SLC37A3: variants seen among roughly 807,000 people sequenced by gnomAD.
The protein encoded by SLC37A3 is solute carrier family 37 member 3, also known as sugar phosphate exchanger 3.
In SLC37A3, 51 loss-of-function variants were observed where a neutral mutation model predicts 67.1. The ratio of observed to expected loss-of-function variants is 0.76; its 90% CI spans 0.61 to 0.96. SLC37A3 has a LOEUF of 0.96. Among genes scored for constraint, SLC37A3 ranks in the 40% least tolerant of loss-of-function variants. The pLI is 0.00. For missense variants in SLC37A3, 508 were observed against 603.0 expected (o/e 0.84, Z 1.65); for synonymous variants, 214 against 231.4 (o/e 0.92, Z 0.68).
rs531672988 is a variant in SLC37A3, at chr7:140,354,935, A to G, written c.618+733T>C. Among the ~76,000 whole-genome samples the G allele has an allele frequency of 2.6e-5, 4 of 152,060 alleles. No individual in the cohort carries two copies. In the South Asian group the frequency reaches 8.3e-4, roughly 32 times the overall value. ...ATTTTTTAGTTTTTTTGTAGGTACA[A>G]GGTCTCATTATATTGCCCAGGCTGA... On this transcript the variant is annotated intron_variant, in intron 7 of 14. Coordinates refer to ENST00000326232, the MANE Select transcript of SLC37A3 (RefSeq NM_207113.3).
At chr7:140,347,954 T>C (rs1409390185) in intron 10 of SLC37A3, among the ~76,000 whole-genome samples, 1 of 152,144 alleles carries the variant, frequency 6.6e-6, no homozygotes, top group East Asian at 1.9e-4. Flanking sequence ...AGTACCAAAC[T>C]CTATACATAC....
intron 3 of SLC37A3, 111 bp downstream of exon 3, chr7:140,380,171 G>T (rs66646584): frequency 0.12 from 64,977 of 553,830 alleles, 5,241 homozygotes; most frequent in East Asian, 0.31. Flanking sequence ...AGGAAACAGT[G>T]AGCCATTTCA....
chr7:140,390,513 G>A (rs756921984), intron 1 of SLC37A3, among the ~76,000 whole-genome samples: 9 of 151,980 alleles, frequency 5.9e-5, no homozygotes, highest in Non-Finnish European at 1.3e-4. Context: ...TTTCTGGGCC[G>A]CTCTCTTCTT....
intron 4 of SLC37A3, among the ~76,000 whole-genome samples, chr7:140,367,205 G>A (rs569625079): frequency 3.2e-4 from 49 of 151,878 alleles, no homozygotes; most frequent in African/African-American, 7.5e-4. Context: ...GGAAGGCAGC[G>A]GTAAGTGGAT....
At chr7:140,391,763 C>A (rs926205584) in intron 1 of SLC37A3, among the ~76,000 whole-genome samples, 4 of 152,150 alleles carry the variant, frequency 2.6e-5, no homozygotes, top group African/African-American at 9.7e-5. Context: ...AATCTTCCTG[C>A]ACCCAGTAAT....
intron 3 of SLC37A3, among the ~76,000 whole-genome samples, chr7:140,372,729 G>C (rs1167652085): frequency 6.6e-6 from 1 of 151,858 alleles, no homozygotes; most frequent in East Asian, 2.0e-4. Context: ...CACGTGTGGT[G>C]GTGGGCGCCT....
intron 3 of SLC37A3, among the ~76,000 whole-genome samples, chr7:140,378,905 G>A (rs1798136854): frequency 6.6e-6 from 1 of 151,574 alleles, no homozygotes. Context: ...AAATTAGCCA[G>A]GCTTGGTGGT....
intron 3 of SLC37A3, among the ~76,000 whole-genome samples, chr7:140,375,852 C>T (rs1411894841): frequency 6.6e-6 from 1 of 152,232 alleles, no homozygotes; most frequent in South Asian, 2.1e-4. Context: ...CAGGCTCACA[C>T]AGCTGACATC....
chr7:140,343,617 T>C, intron 12 of SLC37A3, 54 bp from the exon 13 acceptor site: 1 of 1,575,400 alleles, frequency 6.3e-7, no homozygotes. Flanking sequence ...ACTAGCAATC[T>C]ACTGCATAAG....
chr7:140,387,262 G>C (rs1329398272), intron 1 of SLC37A3, among the ~76,000 whole-genome samples: 1 of 151,948 alleles, frequency 6.6e-6, no homozygotes, highest in African/African-American at 2.4e-5. Flanking sequence ...CTGGAGTTCA[G>C]GAGTCTCAGA....
chr7:140,395,807 T>G (rs1798902823), intron 1 of SLC37A3, among the ~76,000 whole-genome samples: 1 of 152,122 alleles, frequency 6.6e-6, no homozygotes, highest in Non-Finnish European at 1.5e-5. Context: ...TAAGAGTGGT[T>G]CTCTTACACA....
intron 7 of SLC37A3, among the ~76,000 whole-genome samples, chr7:140,353,368 A>G (rs1796891305): frequency 6.6e-6 from 1 of 151,848 alleles, no homozygotes; most frequent in Non-Finnish European, 1.5e-5. Context: ...CTGTAATCCC[A>G]GCTACTCGGG....
intron 7 of SLC37A3, among the ~76,000 whole-genome samples, chr7:140,353,694 C>T (rs1217482453): frequency 6.6e-6 from 1 of 151,838 alleles, no homozygotes; most frequent in African/African-American, 2.4e-5. Context: ...CCCTTGCTGT[C>T]TTCACTTAGC....
Position 140,387,806 on chromosome 7 carries a change from C to A in SLC37A3, c.-70-5210G>T, listed in dbSNP as rs5016828. 4.1e-4 allele frequency among the ~76,000 whole-genome samples: 4 copies of A among 9,714 alleles called. 1 individual carries two copies. The highest frequency in any genetic ancestry group is 1.2e-3 in the African/African-American group (4 of 3,352). The allele number at this position is 9,714 out of a possible 152,430, so 6.4% of individuals were successfully genotyped here. Reference sequence around the variant, plus strand: ...ATATAAATATATTATATATATTATACATAAATATAAATATATTATATATAT... The same window carrying A: ...ATATAAATATATTATATATATTATAAATAAATATAAATATATTATATATAT... On this transcript the variant is annotated intron_variant, in intron 1 of 14. Transcript: ENST00000326232.
At chr7:140,340,503 A>AC (rs1034400822) in intron 13 of SLC37A3, among the ~76,000 whole-genome samples, 3 of 152,208 alleles carry the variant, frequency 2.0e-5, no homozygotes, top group Non-Finnish European at 4.4e-5. Flanking sequence ...AGTGAAAAAA[A>AC]TTAATGCAGA....
Position 140,382,605 on chromosome 7 carries a change from A to G in SLC37A3, c.-70-9T>C. The G allele has an allele frequency of 8.1e-7, 1 of 1,236,452 alleles. No individual in the cohort carries two copies. The allele number at this position is 1,236,452 out of a possible 1,614,324, so 76.6% of individuals were successfully genotyped here. A position where few individuals can be genotyped will look rare whatever the true frequency, so the allele number is the denominator to read the frequency against. ...TACATCATTTCTTCCTTCTGGAAAG[A>G]CAAAACACATTATGGACATTATTAA... On this transcript the variant is annotated splice_polypyrimidine_tract_variant and intron_variant, in intron 1 of 14. Transcript: ENST00000326232.
Position 140,333,941 on chromosome 7 carries a change from C to A in SLC37A3, c.*1471G>T, listed in dbSNP as rs1191720190. Reference sequence around the variant, plus strand: ...CCCTAACCGAATGCAAATTAGGTATCCCTCAAAATTGCACATTCTCCTCCT... The same window carrying A: ...CCCTAACCGAATGCAAATTAGGTATACCTCAAAATTGCACATTCTCCTCCT... On this transcript the variant is annotated 3_prime_UTR_variant, in exon 15 of 15. Coordinates refer to ENST00000326232, the MANE Select transcript of SLC37A3 (RefSeq NM_207113.3). The A allele has an allele frequency of 6.6e-6, 1 of 152,548 alleles. No individual in the cohort carries two copies. Among genetic ancestry groups the A allele is most frequent in the Non-Finnish European group, 1.5e-5 (1 of 68,014 alleles). 9.4% of individuals were successfully genotyped at this position (152,548 alleles called of 1,614,324 possible).
intron 2 of SLC37A3, among the ~76,000 whole-genome samples, chr7:140,381,464 G>A (rs1798250120): frequency 6.6e-6 from 1 of 151,994 alleles, no homozygotes. Flanking sequence ...GTTCGAGGCT[G>A]CAGTGAACCG....
intron 3 of SLC37A3, among the ~76,000 whole-genome samples, chr7:140,375,039 G>C (rs1797972716): frequency 8.3e-6 from 1 of 120,666 alleles, no homozygotes. Context: ...CCAGCTACTT[G>C]GGAGGCTGAG....
Sources: allele counts gnomAD v4.1 joint callset (sites outside exome capture counted in the v4.1 genomes callset), GRCh38; gene constraint gnomAD v4.1.1; transcripts MANE v1.5; gene names NCBI Gene and HGNC (gene_info 2026-07-23, HGNC 2026-07-21).